The following CHLSN variants were observed in gnomAD, a reference collection of about 807,000 sequenced individuals.
CHLSN encodes protein cholesin.
the CHLSN span, among the ~76,000 whole-genome samples, chr7:1,108,454 C>T: frequency 6.6e-6 from 1 of 152,154 alleles, no homozygotes; most frequent in Non-Finnish European, 1.5e-5. Flanking sequence ...CAGCTTTGCA[C>T]CTATCTGCTG....
the CHLSN span, among the ~76,000 whole-genome samples, chr7:1,039,319 T>A: frequency 2.8e-5 from 1 of 36,340 alleles, no homozygotes; most frequent in Admixed American, 2.5e-4. Flanking sequence ...TACTGGGAAG[T>A]GAGGAGCCCC....
chr7:1,095,618 G>C, the CHLSN span, among the ~76,000 whole-genome samples: 1 of 152,312 alleles, frequency 6.6e-6, no homozygotes, highest in African/African-American at 2.4e-5. Flanking sequence ...AGCTGACGTG[G>C]GGAGACCCAC....
chr7:1,115,097 T>A, the CHLSN span, among the ~76,000 whole-genome samples: 2 of 152,354 alleles, frequency 1.3e-5, no homozygotes, highest in South Asian at 4.1e-4. Context: ...GCGGAGACAA[T>A]TCAAAGTCTC....
the CHLSN span, among the ~76,000 whole-genome samples, chr7:1,044,829 G>T: frequency 6.6e-6 from 1 of 152,204 alleles, no homozygotes; most frequent in African/African-American, 2.4e-5. Flanking sequence ...TGCCAGGAGG[G>T]GACCGCTGTC....
chr7:1,005,808 C>T, the CHLSN span, among the ~76,000 whole-genome samples: 4 of 152,316 alleles, frequency 2.6e-5, no homozygotes, highest in South Asian at 2.1e-4. Context: ...GACCCCGTCC[C>T]GGCTGGATCC....
chr7:1,100,551 CG>C, the CHLSN span, among the ~76,000 whole-genome samples: 1 of 152,176 alleles, frequency 6.6e-6, no homozygotes, highest in Admixed American at 6.5e-5. Context: ...GAGCCTGGGC[CG>C]TGCGCCCTCA....
chr7:1,070,486 G>GCAC, the CHLSN span, among the ~76,000 whole-genome samples: 2 of 148,868 alleles, frequency 1.3e-5, no homozygotes, highest in Non-Finnish European at 3.0e-5. Context: ...TACGCACACG[G>GCAC]GCACACGAAT....
At chr7:1,047,652 C>G in the CHLSN span, among the ~76,000 whole-genome samples, 1 of 152,264 alleles carries the variant, frequency 6.6e-6, no homozygotes, top group South Asian at 2.1e-4. Context: ...TTGAGCGTCT[C>G]ATGGTGCATG....
At chr7:1,075,171 G>A in the CHLSN span, among the ~76,000 whole-genome samples, 23 of 152,302 alleles carry the variant, frequency 1.5e-4, no homozygotes, top group African/African-American at 5.1e-4. Flanking sequence ...CGGGAGGGGT[G>A]TGGTTCCTAG....
the CHLSN span, among the ~76,000 whole-genome samples, chr7:1,097,101 CA>C: frequency 1.3e-5 from 2 of 152,340 alleles, no homozygotes; most frequent in African/African-American, 4.8e-5. The surrounding 1 kb of genome is among the most constrained non-coding windows in gnomAD (Gnocchi z 4.3). Context: ...TTAACCCAGA[CA>C]TTGAAAGTAA....
At chr7:1,026,521 C>A in the CHLSN span, 1 of 152,246 alleles carries the variant, frequency 6.6e-6, no homozygotes, top group African/African-American at 2.4e-5. Context: ...CTAAGACAGG[C>A]AGGCAGCTCC....
At chr7:1,020,928 A>G in the CHLSN span, among the ~76,000 whole-genome samples, 1 of 152,148 alleles carries the variant, frequency 6.6e-6, no homozygotes, top group Non-Finnish European at 1.5e-5. Context: ...GAAAGACACC[A>G]CCAGGTGGAG....
the CHLSN span, among the ~76,000 whole-genome samples, chr7:1,001,651 GA>G: frequency 4.8e-5 from 6 of 125,048 alleles, no homozygotes; most frequent in Non-Finnish European, 3.4e-5. Context: ...TCCTGTGGGT[GA>G]GTGGAGTCCT....
the CHLSN span, among the ~76,000 whole-genome samples, chr7:1,133,703 G>A: frequency 8.9e-5 from 13 of 146,418 alleles, no homozygotes; most frequent in East Asian, 2.2e-3. Context: ...GCAGTGAGCC[G>A]AGATCAAGCC....
chr7:1,114,538 G>A, the CHLSN span, among the ~76,000 whole-genome samples: 1 of 152,232 alleles, frequency 6.6e-6, no homozygotes, highest in Non-Finnish European at 1.5e-5. Flanking sequence ...GGACACGGCT[G>A]CCCCCGCTCG....
chr7:1,136,142 A>T, the CHLSN span, among the ~76,000 whole-genome samples: 1 of 79,836 alleles, frequency 1.3e-5, no homozygotes, highest in African/African-American at 4.9e-5. Context: ...ATATACATAA[A>T]TATATAAATA....
the CHLSN span, among the ~76,000 whole-genome samples, chr7:1,036,507 G>A: frequency 6.6e-6 from 1 of 151,858 alleles, no homozygotes; most frequent in East Asian, 1.9e-4. Flanking sequence ...GGGTTCGGGT[G>A]CTCGTGGTGT....
the CHLSN span, among the ~76,000 whole-genome samples, chr7:1,117,441 A>C: frequency 0.01 from 453 of 44,390 alleles, 1 homozygote; most frequent in East Asian, 0.027. Flanking sequence ...CTTCCATCAC[A>C]GACGCCCACG....
the CHLSN span, among the ~76,000 whole-genome samples, chr7:1,110,747 G>A: frequency 2.6e-5 from 4 of 152,116 alleles, no homozygotes; most frequent in East Asian, 7.7e-4. Flanking sequence ...GATAGATAAA[G>A]GCTCTTAGTT....
Sources: gnomAD v4.1 joint callset for allele counts (sites outside exome capture counted in the v4.1 genomes callset) on GRCh38, gnomAD v4.1.1 for gene constraint, Gnocchi (gnomAD v3.1) non-coding constraint, MANE v1.5 for transcripts, NCBI Gene and HGNC (gene_info 2026-07-23, HGNC 2026-07-21) for gene names.